ADCY2: variants seen among roughly 807,000 people sequenced by gnomAD.
The protein encoded by ADCY2 is adenylate cyclase 2, also known as adenylate cyclase type 2.
Under a neutral mutation model 125.2 loss-of-function variants are expected in ADCY2, and 31 were observed. The ratio of observed to expected loss-of-function variants is 0.25; its 90% CI spans 0.19 to 0.33. ADCY2 has a LOEUF of 0.33. ADCY2 is among the 10% of genes least tolerant of loss of function. ADCY2 has a pLI of 1.00. For synonymous variants in ADCY2, 512 were observed against 548.4 expected, an observed-to-expected ratio of 0.93 and a Z score of 0.93; for missense variants, 904 against 1,418.2, an observed-to-expected ratio of 0.64 and a Z score of 5.82.
intron 20 of ADCY2, chr5:7,800,161 T>C (rs1744546573): frequency 6.6e-6 from 1 of 152,198 alleles, no homozygotes; most frequent in Non-Finnish European, 1.5e-5. Flanking sequence ...TTTCTTTATT[T>C]GTAGATGGAA....
At chr5:7,529,173 T>C (rs1473856550) in intron 3 of ADCY2, among the ~76,000 whole-genome samples, 2 of 152,174 alleles carry the variant, frequency 1.3e-5, no homozygotes, top group Non-Finnish European at 2.9e-5. Context: ...GAGACAGAGC[T>C]GGGCTGATCC....
intron 14 of ADCY2, among the ~76,000 whole-genome samples, chr5:7,732,875 G>T (rs934486914): frequency 1.3e-5 from 2 of 152,084 alleles, no homozygotes; most frequent in African/African-American, 4.8e-5. Context: ...ATTGAATCTG[G>T]CTCTAGTCTC....
intron 4 of ADCY2, among the ~76,000 whole-genome samples, chr5:7,679,503 G>A (rs1451155304): frequency 6.6e-6 from 1 of 152,154 alleles, no homozygotes; most frequent in Non-Finnish European, 1.5e-5. Flanking sequence ...GAGGACAGGA[G>A]GAGAGAAGCC....
chr5:7,815,483 C>CTAA (rs2126536237), intron 22 of ADCY2, among the ~76,000 whole-genome samples: 1 of 152,180 alleles, frequency 6.6e-6, no homozygotes, highest in East Asian at 1.9e-4. Flanking sequence ...TGCACAGAAT[C>CTAA]GTTAAGTATT....
chr5:7,482,969 T>G (rs574873539), intron 2 of ADCY2, among the ~76,000 whole-genome samples: 1 of 151,878 alleles, frequency 6.6e-6, no homozygotes, highest in East Asian at 1.9e-4. Flanking sequence ...AAAACATTGA[T>G]CTCATGGAGT....
At chr5:7,646,714 A>G (rs779078614) in intron 4 of ADCY2, among the ~76,000 whole-genome samples, 5 of 152,196 alleles carry the variant, frequency 3.3e-5, no homozygotes, top group Non-Finnish European at 5.9e-5. Flanking sequence ...ACAGCTCAGC[A>G]TTGTTGGTAT....
At chr5:7,804,045 A>AGAGAGAGAGAGAGAGG (rs1350318239) in intron 21 of ADCY2, among the ~76,000 whole-genome samples, 1 of 120,938 alleles carries the variant, frequency 8.3e-6, no homozygotes, top group African/African-American at 4.2e-5. Context: ...GGGGAAAGAG[A>AGAGAGAGAGAGAGAGG]GAGAGAGAGA....
chr5:7,599,641 A>T (rs1251719976), intron 3 of ADCY2, among the ~76,000 whole-genome samples: 1 of 152,022 alleles, frequency 6.6e-6, no homozygotes, highest in Non-Finnish European at 1.5e-5. Context: ...ACTGTGGGGG[A>T]TTGTATCAAC....
intron 2 of ADCY2, among the ~76,000 whole-genome samples, chr5:7,449,764 G>T (rs1741404641): frequency 6.6e-6 from 1 of 152,136 alleles, no homozygotes; most frequent in African/African-American, 2.4e-5. Flanking sequence ...TGGCAACCCT[G>T]TGTCAACAAA....
chr5:7,667,040 C>T (rs10462643), intron 4 of ADCY2, among the ~76,000 whole-genome samples: 124,932 of 152,094 alleles, frequency 0.82, 51,627 homozygotes, highest in Non-Finnish European at 0.86. Flanking sequence ...GATGGGATAG[C>T]CCAATGTATA....
At chr5:7,405,573 G>A (rs1739451824) in intron 1 of ADCY2, among the ~76,000 whole-genome samples, 1 of 152,188 alleles carries the variant, frequency 6.6e-6, no homozygotes, top group Non-Finnish European at 1.5e-5. Context: ...GAGTTCAGGA[G>A]CTTGCAAAGA....
At position 7,706,894 on chromosome 5, in the gene ADCY2, G is replaced by C; in HGVS notation, c.1260G>C (p.Gly420=). ...VTLANHMEAG[G]VPGRVHISSV... is the part of the protein sequence containing the mutation. ...TGGCCAACCACATGGAAGCTGGAGGGGTCCCTGGGTAAGGCCAAGCATTGG... is the reference window on the plus strand; with the variant it reads ...TGGCCAACCACATGGAAGCTGGAGGCGTCCCTGGGTAAGGCCAAGCATTGG... The change falls in exon 8 of 25, where the codon GGG becomes GGC. Residue 420 remains glycine (G), a synonymous_variant. Transcript: ENST00000338316. 1.2e-6 allele frequency: 2 copies of C among 1,614,096 alleles called. No individual in the cohort carries two copies. The highest frequency in any genetic ancestry group is 1.7e-6 in the Non-Finnish European group (2 of 1,180,004).
At chr5:7,541,627 C>T (rs1358945285) in intron 3 of ADCY2, among the ~76,000 whole-genome samples, 1 of 152,180 alleles carries the variant, frequency 6.6e-6, no homozygotes, top group South Asian at 2.1e-4. Flanking sequence ...TTCAGGTACA[C>T]CTTTCAGGCG....
chr5:7,666,421 A>G (rs1461026628), intron 4 of ADCY2, among the ~76,000 whole-genome samples: 1 of 151,832 alleles, frequency 6.6e-6, no homozygotes, highest in East Asian at 2.0e-4. Flanking sequence ...GGCGCCCGCC[A>G]CCACGCCCGG....
At chr5:7,779,648 G>A (rs1743852728) in intron 18 of ADCY2, among the ~76,000 whole-genome samples, 1 of 152,122 alleles carries the variant, frequency 6.6e-6, no homozygotes, top group Admixed American at 6.5e-5. Flanking sequence ...CTAAGCAGGA[G>A]CCTATTCCTT....
chr5:7,742,057 T>C (rs1022410280), intron 14 of ADCY2, among the ~76,000 whole-genome samples: 3 of 150,850 alleles, frequency 2.0e-5, no homozygotes, highest in Non-Finnish European at 4.4e-5. Flanking sequence ...GACGAAATGT[T>C]GTTTCTAAAC....
At chr5:7,770,557 C>A (rs1743524319) in intron 17 of ADCY2, among the ~76,000 whole-genome samples, 1 of 152,160 alleles carries the variant, frequency 6.6e-6, no homozygotes, top group African/African-American at 2.4e-5. Flanking sequence ...CTGTTCTGAA[C>A]TCTTTTGTTA....
At chr5:7,653,405 G>A (rs1399901629) in intron 4 of ADCY2, among the ~76,000 whole-genome samples, 9 of 152,206 alleles carry the variant, frequency 5.9e-5, no homozygotes, top group Admixed American at 4.6e-4. Context: ...AGTAAAAAAC[G>A]TGAAGACGGC....
intron 3 of ADCY2, among the ~76,000 whole-genome samples, chr5:7,560,243 G>A (rs192214523): frequency 6.6e-6 from 1 of 152,318 alleles, no homozygotes; most frequent in East Asian, 1.9e-4. Flanking sequence ...GTGAATGTGT[G>A]GAAAGAGACT....
Sources: allele counts gnomAD v4.1 joint callset (sites outside exome capture counted in the v4.1 genomes callset), GRCh38; gene constraint gnomAD v4.1.1; transcripts MANE v1.5; gene names NCBI Gene and HGNC (gene_info 2026-07-23, HGNC 2026-07-21).